TENM3: variants seen among roughly 807,000 people sequenced by gnomAD.
TENM3 encodes teneurin transmembrane protein 3.
Under a neutral mutation model 255.1 loss-of-function variants are expected in TENM3, and 63 were observed. The ratio of observed to expected loss-of-function variants is 0.25; its 90% CI spans 0.20 to 0.30. TENM3 has a LOEUF of 0.30. Among genes scored for constraint, TENM3 ranks in the 10% least tolerant of loss-of-function variants. The probability of loss-of-function intolerance (pLI) is 1.00; values close to 1 mark genes in which losing one functional copy is unlikely to be tolerated. For synonymous variants in TENM3, 1,306 were observed against 1,322.3 expected (o/e 0.99, Z 0.27); for missense variants, 2,929 against 3,461.1 (o/e 0.85, Z 3.86).
Position 182,730,234 on chromosome 4 carries a change from G to T in TENM3, c.2620G>T (p.Ala874Ser). The change falls in exon 15 of 28, where the codon GCT becomes TCT. Residue 874 changes from alanine (A) to serine (S), a missense_variant. Physicochemically the swap from Ala to Ser is moderately conservative, Grantham distance 99. Around this residue, in one of 6 missense-constraint regions of TENM3, gnomAD observed 1,608 missense variants for 1,884.4 expected, o/e 0.85. Coordinates refer to ENST00000511685, the MANE Select transcript of TENM3 (RefSeq NM_001080477.4). ...TGTCATCAGAGGCCAAGTACTGACT[G>T]CTGATGGAACTCCACTTATTGGAGT... ...ASVIRGQVLT[A>S]DGTPLIGVNV... 1 of 1,613,802 alleles carries T rather than the reference G, an allele frequency of 6.2e-7. No homozygotes were observed.
chr4:181,921,470 C>G, the TENM3 span, among the ~76,000 whole-genome samples: 2 of 152,116 alleles, frequency 1.3e-5, no homozygotes, highest in African/African-American at 4.8e-5. Flanking sequence ...AGTTGGATTC[C>G]TAGGTATTTT....
the TENM3 span, chr4:182,012,910 T>A: frequency 3.3e-5 from 5 of 152,186 alleles, no homozygotes; most frequent in Admixed American, 6.5e-5. Context: ...TTTGTAAATT[T>A]TCCTGTAGCA....
intron 1 of TENM3, among the ~76,000 whole-genome samples, chr4:182,159,103 C>CGATGGCTG (rs1354434795): frequency 6.6e-6 from 1 of 152,142 alleles, no homozygotes; most frequent in African/African-American, 2.4e-5. Flanking sequence ...GGGTTTGTAA[C>CGATGGCTG]GATGGCTGGT....
At chr4:181,743,835 G>C in the TENM3 span, among the ~76,000 whole-genome samples, 58 of 152,172 alleles carry the variant, frequency 3.8e-4, 1 homozygote, top group Admixed American at 2.6e-4. Context: ...TTTAAGTTCA[G>C]GGGTACATGT....
At chr4:182,624,700 C>T (rs1435775563) in intron 4 of TENM3, among the ~76,000 whole-genome samples, 2 of 152,086 alleles carry the variant, frequency 1.3e-5, no homozygotes, top group African/African-American at 2.4e-5. Flanking sequence ...TTTAGAAAAC[C>T]GGTAAGAGAC....
chr4:182,119,883 G>A, the TENM3 span, among the ~76,000 whole-genome samples: 16 of 151,936 alleles, frequency 1.1e-4, no homozygotes, highest in African/African-American at 3.6e-4. Flanking sequence ...ATAATTTTTT[G>A]TAGAAACATG....
the TENM3 span, among the ~76,000 whole-genome samples, chr4:181,705,728 G>A: frequency 2.0e-5 from 3 of 152,054 alleles, no homozygotes; most frequent in African/African-American, 7.2e-5. Flanking sequence ...GCACATCCTG[G>A]ACATGTACCC....
At chr4:182,035,456 A>G in the TENM3 span, among the ~76,000 whole-genome samples, 1 of 152,240 alleles carries the variant, frequency 6.6e-6, no homozygotes, top group Non-Finnish European at 1.5e-5. Context: ...AGAACATGCA[A>G]CAAACTTCAG....
chr4:182,137,854 G>C, the TENM3 span, among the ~76,000 whole-genome samples: 1 of 152,148 alleles, frequency 6.6e-6, no homozygotes, highest in Admixed American at 6.6e-5. Context: ...CAAAGTCTAA[G>C]CTCTAAATTT....
At chr4:182,379,735 G>C (rs951304914) in intron 3 of TENM3, among the ~76,000 whole-genome samples, 1 of 152,218 alleles carries the variant, frequency 6.6e-6, no homozygotes, top group African/African-American at 2.4e-5. Flanking sequence ...GTCCAGCCCT[G>C]AGCCAGGCCG....
chr4:181,628,753 G>GA, the TENM3 span, among the ~76,000 whole-genome samples: 1 of 152,170 alleles, frequency 6.6e-6, no homozygotes, highest in African/African-American at 2.4e-5. Context: ...AGTATAGTTT[G>GA]AAGTCAGGTA....
intron 1 of TENM3, among the ~76,000 whole-genome samples, chr4:182,264,837 C>T (rs1159734070): frequency 1.3e-5 from 2 of 152,082 alleles, no homozygotes; most frequent in African/African-American, 2.4e-5. Flanking sequence ...GGTTAAAAGT[C>T]AGCTTAATTA....
chr4:182,508,939 T>G (rs886871599), intron 3 of TENM3, among the ~76,000 whole-genome samples: 3 of 152,218 alleles, frequency 2.0e-5, no homozygotes, highest in Non-Finnish European at 4.4e-5. Context: ...AAATTTTCTT[T>G]TGCATGTAAA....
intron 4 of TENM3, among the ~76,000 whole-genome samples, chr4:182,626,902 T>G (rs1337287928): frequency 6.6e-6 from 1 of 152,030 alleles, no homozygotes; most frequent in African/African-American, 2.4e-5. Flanking sequence ...AATAAGTAAG[T>G]CATTAGTGCC....
the TENM3 span, among the ~76,000 whole-genome samples, chr4:181,666,521 G>A: frequency 6.6e-6 from 1 of 152,040 alleles, no homozygotes; most frequent in African/African-American, 2.4e-5. Context: ...CTCTCAAAAT[G>A]AACATATATT....
At chr4:181,512,799 G>A in the TENM3 span, among the ~76,000 whole-genome samples, 3 of 152,180 alleles carry the variant, frequency 2.0e-5, no homozygotes, top group African/African-American at 7.2e-5. Context: ...TTGCCCTCCA[G>A]TTCCTATGTA....
chr4:182,231,304 T>C (rs1367483360), intron 1 of TENM3, among the ~76,000 whole-genome samples: 1 of 152,082 alleles, frequency 6.6e-6, no homozygotes, highest in Non-Finnish European at 1.5e-5. Flanking sequence ...GTACTGGTCT[T>C]GGGAGCTGCA....
intron 3 of TENM3, among the ~76,000 whole-genome samples, chr4:182,456,847 C>A (rs62337164): frequency 1.3e-5 from 2 of 151,986 alleles, no homozygotes; most frequent in Non-Finnish European, 2.9e-5. Flanking sequence ...AAAGAAACTC[C>A]GTATTTCTGC....
chr4:181,711,316 A>G, the TENM3 span, among the ~76,000 whole-genome samples: 2 of 150,990 alleles, frequency 1.3e-5, no homozygotes, highest in Non-Finnish European at 2.9e-5. Context: ...GTTTAAATCC[A>G]CTGTGTGCCT....
Sources: gnomAD v4.1 joint callset for allele counts (sites outside exome capture counted in the v4.1 genomes callset) on GRCh38, gnomAD v4.1.1 for gene constraint, gnomAD v4.1.1 regional missense constraint, MANE v1.5 for transcripts, NCBI Gene and HGNC (gene_info 2026-07-23, HGNC 2026-07-21) for gene names.